Variants in GRK5 observed in about 807,000 individuals in gnomAD.
GRK5 encodes the protein G protein-coupled receptor kinase 5.
Under a neutral mutation model 78.4 loss-of-function variants are expected in GRK5, and 40 were observed. The ratio of observed to expected loss-of-function variants is 0.51; its 90% CI spans 0.40 to 0.66. GRK5 has a LOEUF of 0.66. GRK5 is among the 30% of genes least tolerant of loss of function. GRK5 has a pLI of 0.00. For missense variants in GRK5, 598 were observed against 759.9 expected (o/e 0.79, Z 2.50); for synonymous variants, 289 against 296.8 (o/e 0.97, Z 0.27).
At chr10:119,382,379 T>C (rs528372906) in intron 3 of GRK5, among the ~76,000 whole-genome samples, 5 of 152,320 alleles carry the variant, frequency 3.3e-5, no homozygotes, top group African/African-American at 9.6e-5. Context: ...ACCAATTAAT[T>C]TGAATCTCTG....
intron 1 of GRK5, among the ~76,000 whole-genome samples, chr10:119,317,640 G>A (rs1387064923): frequency 6.6e-6 from 1 of 152,168 alleles, no homozygotes; most frequent in East Asian, 1.9e-4. Context: ...CCTGCTGTGA[G>A]AAGAATGCCT....
chr10:119,441,909 G>T, intron 10 of GRK5, 90 bp from the exon 11 acceptor site: 1 of 969,692 alleles, frequency 1.0e-6, no homozygotes, highest in South Asian at 1.3e-5. Flanking sequence ...AGAATGCCGA[G>T]AGCTCGTATG....
At chr10:119,259,657 C>T (rs896444858) in intron 1 of GRK5, among the ~76,000 whole-genome samples, 10 of 152,170 alleles carry the variant, frequency 6.6e-5, no homozygotes, top group African/African-American at 9.7e-5. Flanking sequence ...TTCAGAGCAG[C>T]GCTGTCCAAT....
chr10:119,302,426 CTGTT>C (rs1850198915), intron 1 of GRK5, among the ~76,000 whole-genome samples: 5 of 152,238 alleles, frequency 3.3e-5, no homozygotes, highest in Admixed American at 2.6e-4. Flanking sequence ...CCTTGCCCTG[CTGTT>C]TATTTCCAGA....
At chr10:119,274,916 T>C (rs374547673) in intron 1 of GRK5, among the ~76,000 whole-genome samples, 42 of 152,136 alleles carry the variant, frequency 2.8e-4, no homozygotes, top group African/African-American at 9.9e-4. Flanking sequence ...CAAAGACCCT[T>C]TTAGTTTAAA....
chr10:119,218,027 T>C (rs1330459561), intron 1 of GRK5, among the ~76,000 whole-genome samples: 1 of 152,148 alleles, frequency 6.6e-6, no homozygotes, highest in Non-Finnish European at 1.5e-5. Context: ...TTGCCATTTT[T>C]CAGTGGTAAC....
rs1020891088 is a variant in GRK5, at chr10:119,458,132, GTCTT to G, written c.*3070_*3073del. On this transcript the variant is annotated 3_prime_UTR_variant, in exon 16 of 16. Coordinates refer to ENST00000392870, the MANE Select transcript of GRK5 (RefSeq NM_005308.3). Reference sequence around the variant, plus strand: ...ATGCATTTGAGCGCTTCACAGAAGAGTCTTTCTTGCTCCAGGCATGACATTTTTT... The same window carrying G: ...ATGCATTTGAGCGCTTCACAGAAGAGTCTTGCTCCAGGCATGACATTTTTT... 1 of 152,250 alleles carries G rather than the reference GTCTT, an allele frequency of 6.6e-6. No homozygotes were observed. Among genetic ancestry groups the G allele is most frequent in the African/African-American group, 2.4e-5 (1 of 41,458 alleles). The allele number at this position is 152,250 out of a possible 1,614,324, so 9.4% of individuals were successfully genotyped here.
chr10:119,454,006 C>T (rs1040761253), intron 15 of GRK5, among the ~76,000 whole-genome samples: 1 of 152,034 alleles, frequency 6.6e-6, no homozygotes, highest in Non-Finnish European at 1.5e-5. Context: ...TGGCCTGGCC[C>T]CTGAGGAAGC....
At chr10:119,222,092 T>C (rs185093299) in intron 1 of GRK5, among the ~76,000 whole-genome samples, 22 of 152,252 alleles carry the variant, frequency 1.4e-4, no homozygotes, top group African/African-American at 3.4e-4. Context: ...CTGGGAATTG[T>C]TTTTGCTGTT....
intron 2 of GRK5, among the ~76,000 whole-genome samples, chr10:119,360,016 G>T (rs1261046704): frequency 6.6e-6 from 1 of 150,660 alleles, no homozygotes; most frequent in African/African-American, 2.4e-5. Context: ...CTGAGGAGGT[G>T]GAGGGAAGCT....
At chr10:119,424,627 T>TC (rs60448576) in intron 5 of GRK5, among the ~76,000 whole-genome samples, 151,429 of 151,908 alleles carry the variant, frequency 1, 75,477 homozygotes, top group Middle Eastern at 1. Flanking sequence ...GGTCACTTTT[T>TC]AGAGAGACCC....
intron 1 of GRK5, among the ~76,000 whole-genome samples, chr10:119,240,914 G>A (rs1294226094): frequency 6.6e-6 from 1 of 152,170 alleles, no homozygotes; most frequent in African/African-American, 2.4e-5. Flanking sequence ...AAGGCAAAAG[G>A]ACCATGACTG....
intron 1 of GRK5, among the ~76,000 whole-genome samples, chr10:119,251,423 A>T (rs576191786): frequency 3.3e-5 from 5 of 152,244 alleles, no homozygotes; most frequent in East Asian, 1.9e-4. Flanking sequence ...TCAAGAACAT[A>T]CTCAGAACTT....
At chr10:119,400,743 G>A (rs1852136570) in intron 4 of GRK5, among the ~76,000 whole-genome samples, 1 of 152,214 alleles carries the variant, frequency 6.6e-6, no homozygotes, top group South Asian at 2.1e-4. Flanking sequence ...CCACATGGAG[G>A]AGGAATAAGG....
At chr10:119,405,694 C>T (rs977128289) in intron 4 of GRK5, among the ~76,000 whole-genome samples, 5 of 152,060 alleles carry the variant, frequency 3.3e-5, no homozygotes, top group Admixed American at 6.6e-5. Context: ...AGTCCTGCCA[C>T]TTTCCAGCTC....
chr10:119,401,986 C>G (rs1467582504), intron 4 of GRK5, among the ~76,000 whole-genome samples: 2 of 152,208 alleles, frequency 1.3e-5, no homozygotes, highest in African/African-American at 4.8e-5. Flanking sequence ...CTCAGGGATC[C>G]TGGCTGCTCC....
chr10:119,378,677 T>TCTCTCCGCTCATCTCCGCTTGTGTGCG lies in GRK5; in HGVS notation c.149-2137_149-2136insTCTCCGCTCATCTCCGCTTGTGTGCGC, dbSNP rs1851664870. On this transcript the variant is annotated intron_variant, in intron 2 of 15. Coordinates refer to ENST00000392870, the MANE Select transcript of GRK5 (RefSeq NM_005308.3). This position sits in a 1 kb window ranked among gnomAD's most constrained non-coding sequence, Gnocchi z 4.5. ...TCTCCGCTTGTGTGCGGGCTGCGCC[T>TCTCTCCGCTCATCTCCGCTTGTGTGCG]CCGTGGGCTCTCGCTGCGTGGGGGG... 1.3e-5 allele frequency among the ~76,000 whole-genome samples: 1 copy of TCTCTCCGCTCATCTCCGCTTGTGTGCG among 79,766 alleles called. No individual in the cohort carries two copies. Among genetic ancestry groups the TCTCTCCGCTCATCTCCGCTTGTGTGCG allele is most frequent in the African/African-American group, 6.1e-5 (1 of 16,478 alleles). 52.3% of individuals were successfully genotyped at this position (79,766 alleles called of 152,430 possible). A position where few individuals can be genotyped will look rare whatever the true frequency, so the allele number is the denominator to read the frequency against.
intron 2 of GRK5, among the ~76,000 whole-genome samples, chr10:119,358,428 C>T (rs1444068921): frequency 2.0e-5 from 3 of 152,152 alleles, no homozygotes; most frequent in Non-Finnish European, 4.4e-5. Context: ...GACCTGTATC[C>T]ATCTCATGCC....
chr10:119,214,332 C>T (rs911075598), intron 1 of GRK5, among the ~76,000 whole-genome samples: 1 of 152,016 alleles, frequency 6.6e-6, no homozygotes, highest in Non-Finnish European at 1.5e-5. Flanking sequence ...TTTTTTTCCC[C>T]GAAGAGCTGA....
Sources: gnomAD v4.1 joint callset for allele counts (sites outside exome capture counted in the v4.1 genomes callset) on GRCh38, gnomAD v4.1.1 for gene constraint, Gnocchi (gnomAD v3.1) non-coding constraint, MANE v1.5 for transcripts, NCBI Gene and HGNC (gene_info 2026-07-23, HGNC 2026-07-21) for gene names.